F8: variants seen among roughly 807,000 people sequenced by gnomAD.
The protein encoded by F8 is antihemophilic factor.
A neutral mutation model predicts 140.6 loss-of-function variants in F8; 12 were observed. The ratio of observed to expected loss-of-function variants is 0.09; its 90% CI spans 0.05 to 0.14. The LOEUF (loss-of-function observed/expected upper bound fraction) is 0.14, where lower values mean the gene tolerates loss of function less well. Ranked by LOEUF, F8 falls within the 10% of genes least tolerant of loss-of-function variation. The pLI is 1.00. For missense variants in F8, 1,354 were observed against 1,720.7 expected, an observed-to-expected ratio of 0.79 and a Z score of 3.77; for synonymous variants, 585 against 614.6, an observed-to-expected ratio of 0.95 and a Z score of 0.71.
At chrX:154,839,541 T>G (rs2072503357) in intron 25 of F8, among the ~76,000 whole-genome samples, 1 of 109,662 alleles carries the variant, frequency 9.1e-6, no homozygotes, top group African/African-American at 3.3e-5. Flanking sequence ...TTTTTGTATT[T>G]TTAGTAGAGA....
chrX:154,995,341 T>C (rs183408280), intron 3 of F8, among the ~76,000 whole-genome samples: 1 of 112,016 alleles, frequency 8.9e-6, no homozygotes, highest in Non-Finnish European at 1.9e-5. Context: ...AATGTAGCAG[T>C]AGAATGGCTA....
At chrX:154,976,058 G>A (rs2073483725) in intron 6 of F8, among the ~76,000 whole-genome samples, 1 of 110,838 alleles carries the variant, frequency 9.0e-6, no homozygotes, top group Admixed American at 9.6e-5. Flanking sequence ...ACCATGCTTG[G>A]TTAATTTTTG....
chrX:154,920,546 A>C (rs901373558), intron 14 of F8, among the ~76,000 whole-genome samples: 4 of 110,187 alleles, frequency 3.6e-5, no homozygotes, highest in Admixed American at 9.7e-5. Flanking sequence ...TGACCCCCCC[A>C]GGCTCAAGCA....
chrX:154,904,761 A>G (rs781868893), intron 16 of F8, 50 bp downstream of exon 16: 49 of 1,085,236 alleles, frequency 4.5e-5, no homozygotes, highest in Non-Finnish European at 5.9e-5. Context: ...GTACACAAAG[A>G]CCATTTCTTT....
At chrX:154,999,690 T>C in intron 1 of F8, 90 bp from the exon 2 acceptor site, 1 of 1,082,223 alleles carries the variant, frequency 9.2e-7, no homozygotes, top group Non-Finnish European at 1.3e-6. Flanking sequence ...TTTTCTACTA[T>C]TAGCAAGGAG....
chrX:154,941,020 A>T (rs1423412646), intron 13 of F8, among the ~76,000 whole-genome samples: 1 of 112,238 alleles, frequency 8.9e-6, no homozygotes, highest in Non-Finnish European at 1.9e-5. Flanking sequence ...AGGAAGCACT[A>T]AACATGGAAA....
intron 22 of F8, among the ~76,000 whole-genome samples, chrX:154,876,302 G>T (rs1261805930): frequency 9.1e-6 from 1 of 109,370 alleles, no homozygotes; most frequent in African/African-American, 3.4e-5. Context: ...TGTATTTTTA[G>T]TAGAGACGGT....
chrX:154,873,290 G>A (rs1298273154), intron 22 of F8, among the ~76,000 whole-genome samples: 1 of 107,257 alleles, frequency 9.3e-6, no homozygotes. Context: ...GCAGTGGTGC[G>A]ATCTTGGCTC....
intron 1 of F8, among the ~76,000 whole-genome samples, chrX:155,008,989 A>G (rs1486994960): frequency 2.7e-5 from 3 of 111,599 alleles, no homozygotes; most frequent in African/African-American, 9.8e-5. Context: ...CTGATTCCTC[A>G]GGTGTTGATC....
chrX:154,852,859 GTGAGAC>G (rs782158518), intron 25 of F8, among the ~76,000 whole-genome samples: 1 of 111,580 alleles, frequency 9.0e-6, no homozygotes, highest in South Asian at 3.7e-4. Context: ...GAGCGACAGA[GTGAGAC>G]TCCGTCTCAA....
chrX:154,862,405 C>T (rs782439157), intron 23 of F8, among the ~76,000 whole-genome samples: 1 of 111,454 alleles, frequency 9.0e-6, no homozygotes, highest in Non-Finnish European at 1.9e-5. Flanking sequence ...TTCTTTTCTT[C>T]TTCTACTTTT....
In F8 at chrX:154,967,610, A is replaced by AT. The variant is rs782555421; in HGVS notation, c.1010-924dup. ...GGTCTGAGGTTCAATAAGATAAAGC[A>AT]TTTTTTTCTGAAAAATAAAGATTAA... On this transcript the variant is annotated intron_variant, in intron 7 of 25. Transcript: ENST00000360256. 4.5e-5 allele frequency among the ~76,000 whole-genome samples: 5 copies of AT among 111,980 alleles called. No individual in the cohort carries two copies. In the South Asian group the frequency reaches 1.1e-3, roughly 25 times the overall value.
At chrX:155,017,725 G>A (rs1209088088) in intron 1 of F8, among the ~76,000 whole-genome samples, 1 of 111,246 alleles carries the variant, frequency 9.0e-6, no homozygotes, top group Non-Finnish European at 1.9e-5. Flanking sequence ...GCTGAGGATG[G>A]GGCCTAGGAA....
chrX:154,998,812 CAGG>C (rs1342918958), intron 2 of F8, among the ~76,000 whole-genome samples: 3 of 111,738 alleles, frequency 2.7e-5, no homozygotes, highest in African/African-American at 6.5e-5. Context: ...GCTATTCCAT[CAGG>C]AGAAGTCCTT....
rs185734304 is a variant in F8 at position 154,913,027 on chromosome X, A to C, written c.5220-6454T>G. ...ATGGGGATTATTTTGCCTTACATGA[A>C]ATGTAAGGCAAAAATTGCCCTTGCC... On this transcript the variant is annotated intron_variant, in intron 14 of 25. Coordinates refer to ENST00000360256, the MANE Select transcript of F8 (RefSeq NM_000132.4). 1.0e-2 allele frequency among the ~76,000 whole-genome samples: 1,107 copies of C among 110,721 alleles called. 15 individuals are homozygous for C. The highest frequency in any genetic ancestry group is 0.035 in the African/African-American group (1,057 of 30,474).
intron 13 of F8, among the ~76,000 whole-genome samples, chrX:154,936,978 AT>A (rs1489790583): frequency 8.9e-6 from 1 of 112,025 alleles, no homozygotes; most frequent in Non-Finnish European, 1.9e-5. Context: ...ATAACTATGA[AT>A]AAAACAAGAA....
chrX:154,945,336 A>T (rs2073297426), intron 13 of F8, among the ~76,000 whole-genome samples: 1 of 111,514 alleles, frequency 9.0e-6, no homozygotes, highest in Non-Finnish European at 1.9e-5. Context: ...TCTGATGAAC[A>T]TTGATGCAAA....
At chrX:154,977,577 T>TC (rs1491355650) in intron 6 of F8, 9 of 106,753 alleles carry the variant, frequency 8.4e-5, no homozygotes, top group Non-Finnish European at 1.7e-4. Flanking sequence ...TTTTTTTTTT[T>TC]CTCTCTCTCT....
At chrX:154,852,987 C>A (rs1557272246) in intron 25 of F8, among the ~76,000 whole-genome samples, 1 of 111,904 alleles carries the variant, frequency 8.9e-6, no homozygotes, top group Non-Finnish European at 1.9e-5. Flanking sequence ...ATCCATAAAT[C>A]CAGGATGCCT....
Sources: allele counts gnomAD v4.1 joint callset (sites outside exome capture counted in the v4.1 genomes callset), GRCh38; gene constraint gnomAD v4.1.1; transcripts MANE v1.5; gene names NCBI Gene and HGNC (gene_info 2026-07-23, HGNC 2026-07-21).